ZNF423: variants seen among roughly 807,000 people sequenced by gnomAD.
The protein encoded by ZNF423 is zinc finger protein 423.
ZNF423 carries 12 observed loss-of-function variants against 95.8 expected under a neutral mutation model. The ratio of observed to expected loss-of-function variants is 0.13; its 90% CI spans 0.08 to 0.20. The LOEUF is 0.20. Among genes scored for constraint, ZNF423 ranks in the 10% least tolerant of loss-of-function variants. The pLI, the probability that ZNF423 is intolerant of heterozygous loss-of-function variation, is 1.00. For missense variants in ZNF423, 1,316 were observed against 1,737.1 expected (o/e 0.76, Z 4.31); for synonymous variants, 749 against 711.9 (o/e 1.05, Z -0.83).
chr16:49,672,573 T>C (rs574880116), intron 3 of ZNF423, among the ~76,000 whole-genome samples: 7 of 152,210 alleles, frequency 4.6e-5, no homozygotes, highest in African/African-American at 1.7e-4. Context: ...TCCCAGCACT[T>C]TGGGAGGCCG....
chr16:49,824,276 C>A (rs2144035219), intron 1 of ZNF423, among the ~76,000 whole-genome samples: 1 of 152,268 alleles, frequency 6.6e-6, no homozygotes. Context: ...GTCCTCCCAG[C>A]AGTCCCAAAG....
chr16:49,592,506 T>TA (rs1423815268), intron 5 of ZNF423, among the ~76,000 whole-genome samples: 4 of 152,204 alleles, frequency 2.6e-5, no homozygotes, highest in Non-Finnish European at 4.4e-5. Context: ...CAGGCTCCCC[T>TA]AAAACACAGT....
At chr16:49,495,752 C>T (rs532348480) in intron 7 of ZNF423, among the ~76,000 whole-genome samples, 47 of 152,258 alleles carry the variant, frequency 3.1e-4, no homozygotes, top group African/African-American at 8.4e-4. Flanking sequence ...TGGTTTTGCG[C>T]GCCCCAGGAG....
rs143895442 is a variant in ZNF423 at position 49,730,850 on chromosome 16, A to G, written c.222T>C (p.Ile74=). The change falls in exon 3 of 8, where the codon ATT becomes ATC. Residue 74 remains isoleucine (I), a synonymous_variant. Coordinates refer to ENST00000563137, the MANE Select transcript of ZNF423 (RefSeq NM_001379286.1). ...CCTGCTGACAGTGATCGCAGGTGTAAATTGATTCATCCTCCATGTCTTCAT... is the reference window on the plus strand; with the variant it reads ...CCTGCTGACAGTGATCGCAGGTGTAGATTGATTCATCCTCCATGTCTTCAT... ...EDDEDMEDES[I]YTCDHCQQDF... is the part of the protein sequence containing the mutation. 1.7e-5 allele frequency: 28 copies of G among 1,613,942 alleles called. No individual in the cohort carries two copies. The highest frequency in any genetic ancestry group is 2.1e-5 in the Non-Finnish European group (25 of 1,180,018).
At chr16:49,722,334 G>A (rs2032890269) in intron 3 of ZNF423, among the ~76,000 whole-genome samples, 1 of 152,202 alleles carries the variant, frequency 6.6e-6, no homozygotes, top group South Asian at 2.1e-4. Flanking sequence ...GAGCTATAGA[G>A]AATAACGTCT....
intron 5 of ZNF423, among the ~76,000 whole-genome samples, chr16:49,529,934 G>A (rs1212622037): frequency 2.0e-5 from 3 of 152,100 alleles, no homozygotes; most frequent in Non-Finnish European, 4.4e-5. Context: ...CCCCAGAGTG[G>A]CATCATTAAT....
chr16:49,632,364 A>G (rs1398781540), intron 4 of ZNF423, among the ~76,000 whole-genome samples: 6 of 151,944 alleles, frequency 3.9e-5, no homozygotes, highest in Non-Finnish European at 8.8e-5. Context: ...GTCCTCAGGG[A>G]GGGAAGGGGT....
intron 1 of ZNF423, among the ~76,000 whole-genome samples, chr16:49,812,178 G>A (rs544498377): frequency 1.3e-5 from 2 of 152,374 alleles, no homozygotes; most frequent in South Asian, 4.1e-4. Context: ...GAGAGGTTAA[G>A]ACACTTGCTC....
At chr16:49,689,543 A>G (rs973529199) in intron 3 of ZNF423, among the ~76,000 whole-genome samples, 2 of 152,132 alleles carry the variant, frequency 1.3e-5, no homozygotes, top group African/African-American at 4.8e-5. Context: ...CGTGCCCCAC[A>G]CCTCCGTGAC....
At chr16:49,841,204 C>G (rs1253114430) in intron 1 of ZNF423, among the ~76,000 whole-genome samples, 2 of 152,098 alleles carry the variant, frequency 1.3e-5, no homozygotes, top group Non-Finnish European at 2.9e-5. Context: ...CCTCCCCCCA[C>G]TCCAGAAGCT....
At chr16:49,589,883 C>T (rs1445580108) in intron 5 of ZNF423, among the ~76,000 whole-genome samples, 1 of 151,904 alleles carries the variant, frequency 6.6e-6, no homozygotes, top group African/African-American at 2.4e-5. Flanking sequence ...GAGGTAGGCT[C>T]CGCAGACCTT....
Position 49,636,506 on chromosome 16 carries a change from C to G in ZNF423, c.2670G>C (p.Ser890=), listed in dbSNP as rs369348426. ...AGATGTCACAGCCGTACATGGGCTC[C>G]GACGCGTCCACGTCATCCTCGCTGG... ...HEASEDDVDA[S]EPMYGCDICG... is the part of the protein sequence containing the mutation. Residue 890 remains serine, a synonymous_variant, in exon 4 of 8, where the codon TCG becomes TCC. Transcript: ENST00000563137. The surrounding 1 kb of genome is among the most constrained non-coding windows in gnomAD (Gnocchi z 8.6). 1 of 1,613,732 alleles carries G rather than the reference C, an allele frequency of 6.2e-7. No homozygotes were observed. Among genetic ancestry groups the G allele is most frequent in the Admixed American group, 1.7e-5 (1 of 60,026 alleles).
chr16:49,575,876 T>C (rs1261783359), intron 5 of ZNF423, among the ~76,000 whole-genome samples: 2 of 151,944 alleles, frequency 1.3e-5, no homozygotes, highest in African/African-American at 4.8e-5. Context: ...TGGAGGAGCC[T>C]GAAGGAGGCA....
chr16:49,656,327 A>C (rs980607628), intron 3 of ZNF423, among the ~76,000 whole-genome samples: 4 of 152,230 alleles, frequency 2.6e-5, no homozygotes, highest in Non-Finnish European at 5.9e-5. Context: ...CCTGGCCAAC[A>C]TGGTGAAACC....
chr16:49,791,453 A>G (rs1206523170), intron 1 of ZNF423, among the ~76,000 whole-genome samples: 2 of 152,224 alleles, frequency 1.3e-5, no homozygotes, highest in African/African-American at 2.4e-5. Context: ...CCAAAAAATC[A>G]GTTTCCCTTA....
chr16:49,538,576 C>T (rs1414560199), intron 5 of ZNF423, among the ~76,000 whole-genome samples: 2 of 152,138 alleles, frequency 1.3e-5, no homozygotes, highest in African/African-American at 4.8e-5. Context: ...CTCCCTTTTT[C>T]CCAGTGCAAA....
At chr16:49,690,011 T>C (rs1377832259) in intron 3 of ZNF423, among the ~76,000 whole-genome samples, 5 of 152,118 alleles carry the variant, frequency 3.3e-5, no homozygotes, top group Non-Finnish European at 4.4e-5. Context: ...AGGAAAGGCT[T>C]CCTCTCCACA....
At chr16:49,671,489 T>A (rs1882370734) in intron 3 of ZNF423, among the ~76,000 whole-genome samples, 1 of 152,178 alleles carries the variant, frequency 6.6e-6, no homozygotes, top group Non-Finnish European at 1.5e-5. Context: ...CATGTGTGCA[T>A]GCACATGACT....
At chr16:49,716,009 C>T (rs963763010) in intron 3 of ZNF423, among the ~76,000 whole-genome samples, 4 of 151,928 alleles carry the variant, frequency 2.6e-5, no homozygotes, top group African/African-American at 9.7e-5. Context: ...GATAATCAAG[C>T]AGGAGGAGGA....
Sources: gnomAD v4.1 joint callset for allele counts (sites outside exome capture counted in the v4.1 genomes callset) on GRCh38, gnomAD v4.1.1 for gene constraint, Gnocchi (gnomAD v3.1) non-coding constraint, MANE v1.5 for transcripts, NCBI Gene and HGNC (gene_info 2026-07-23, HGNC 2026-07-21) for gene names.